The following ACSL1 variants were observed in gnomAD, a reference collection of about 807,000 sequenced individuals.
The protein encoded by ACSL1 is long-chain-fatty-acid--CoA ligase 1.
Under a neutral mutation model 98.4 loss-of-function variants are expected in ACSL1, and 41 were observed. The ratio of observed to expected loss-of-function variants is 0.42; its 90% confidence interval spans 0.32 to 0.54. ACSL1 has a LOEUF of 0.54. Among genes scored for constraint, ACSL1 ranks in the 20% least tolerant of loss-of-function variants. The pLI is 0.13. For synonymous variants in ACSL1, 316 were observed against 322.7 expected, an observed-to-expected ratio of 0.98 and a Z score of 0.22; for missense variants, 734 against 883.1, an observed-to-expected ratio of 0.83 and a Z score of 2.14.
intron 11 of ACSL1, among the ~76,000 whole-genome samples, chr4:184,770,020 T>C (rs1410272629): frequency 1.3e-5 from 2 of 152,216 alleles, no homozygotes; most frequent in Admixed American, 6.5e-5. Flanking sequence ...CGCTGGGCTT[T>C]GTAGAACTGA....
In ACSL1 at chr4:184,773,159, G is replaced by T. The variant is rs1329706991; in HGVS notation, c.842-5C>A. Reference sequence around the variant, plus strand: ...CCATTGCTCCTTTGGGGTTGCCTGTGGAGCACATATGAAGCAGAACAAAGT... The same window carrying T: ...CCATTGCTCCTTTGGGGTTGCCTGTTGAGCACATATGAAGCAGAACAAAGT... On this transcript the variant is annotated splice_polypyrimidine_tract_variant and splice_region_variant and intron_variant, in intron 9 of 20. Coordinates refer to ENST00000281455, the MANE Select transcript of ACSL1 (RefSeq NM_001995.5). This position sits in a 1 kb window ranked among gnomAD's most constrained non-coding sequence, Gnocchi z 4.3. 1 of 1,612,678 alleles carries T rather than the reference G, an allele frequency of 6.2e-7. No individual in the cohort carries two copies. Among genetic ancestry groups the T allele is most frequent in the South Asian group, 1.1e-5 (1 of 91,030 alleles).
At chr4:184,801,058 G>A (rs150284818) in intron 2 of ACSL1, among the ~76,000 whole-genome samples, 126 of 152,238 alleles carry the variant, frequency 8.3e-4, no homozygotes, top group African/African-American at 2.9e-3. Flanking sequence ...GCCTTGCTAT[G>A]TTGCCCATGC....
In ACSL1 at chr4:184,825,952, A is replaced by G. The variant is rs1205575825; in HGVS notation, c.-69T>C. The G allele has an allele frequency of 6.8e-6, 1 of 147,966 alleles. No homozygotes were observed. Among genetic ancestry groups the G allele is most frequent in the Non-Finnish European group, 1.5e-5 (1 of 66,338 alleles). 9.2% of individuals were successfully genotyped at this position (147,966 alleles called of 1,614,324 possible). A position where few individuals can be genotyped will look rare whatever the true frequency, so the allele number is the denominator to read the frequency against. On this transcript the variant is annotated 5_prime_UTR_variant, in exon 1 of 21. Transcript: ENST00000281455. This position sits in a 1 kb window ranked among gnomAD's most constrained non-coding sequence, Gnocchi z 4.7. Reference sequence around the variant, plus strand: ...ACCGGCCGCTCCGCCGCCGGCTGTCACTGCAGCCCACTCCCTGCCCCGCGC... The same window carrying G: ...ACCGGCCGCTCCGCCGCCGGCTGTCGCTGCAGCCCACTCCCTGCCCCGCGC...
At chr4:184,767,476 G>A (rs1417276192) in intron 12 of ACSL1, among the ~76,000 whole-genome samples, 3 of 152,142 alleles carry the variant, frequency 2.0e-5, no homozygotes, top group Non-Finnish European at 2.9e-5. Flanking sequence ...ATACACAGAT[G>A]AGCGGATGCT....
At position 184,776,680 on chromosome 4, in the gene ACSL1, C is replaced by T; in HGVS notation, c.578-18G>A. The T allele has an allele frequency of 1.2e-6, 2 of 1,603,800 alleles. No homozygotes were observed. Among genetic ancestry groups the T allele is most frequent in the Non-Finnish European group, 1.7e-6 (2 of 1,177,410 alleles). On this transcript the variant is annotated intron_variant, in intron 6 of 20. Transcript: ENST00000281455. ...GAGTTCAGCTGTAAATGAAGAGATA[C>T]AATGAAGAATAAGCTCTGGGATGTT...
At chr4:184,817,755 C>A (rs111737443) in intron 1 of ACSL1, among the ~76,000 whole-genome samples, 1 of 152,146 alleles carries the variant, frequency 6.6e-6, no homozygotes, top group African/African-American at 2.4e-5. Context: ...GAGAGCAGGA[C>A]GCTACTGGTG....
At chr4:184,798,165 C>G (rs928524507) in intron 2 of ACSL1, 2 of 152,176 alleles carry the variant, frequency 1.3e-5, no homozygotes, top group African/African-American at 4.8e-5. Context: ...ATGCTGGAAC[C>G]AAGGTCTGAT....
rs571795319 is a variant in ACSL1 at position 184,757,910 on chromosome 4, A to G, written c.1793T>C (p.Ile598Thr). Residue 598 changes from isoleucine to threonine, a missense_variant, in exon 19 of 21, where the codon ATT becomes ACT. By Grantham distance (89) the Ile-to-Thr change is moderately conservative. Coordinates refer to ENST00000281455, the MANE Select transcript of ACSL1 (RefSeq NM_001995.5). The surrounding 1 kb of genome is among the most constrained non-coding windows in gnomAD (Gnocchi z 4.5). Reference sequence around the variant, plus strand: ...CTCAACATCTGGTACCACAATTGCAATGAGAAATGCCTTTAACACAGACAA... The same window carrying G: ...CTCAACATCTGGTACCACAATTGCAGTGAGAAATGCCTTTAACACAGACAA... ...VHGESLQAFL[I>T]AIVVPDVETL... 2.6e-5 allele frequency: 42 copies of G among 1,614,036 alleles called. 1 individual carries two copies. The South Asian group carries it at 4.6e-4, about 18-fold the overall frequency.
At chr4:184,800,337 G>A (rs772891071) in intron 2 of ACSL1, among the ~76,000 whole-genome samples, 2 of 152,058 alleles carry the variant, frequency 1.3e-5, no homozygotes, top group African/African-American at 2.4e-5. Context: ...GTCCCTTTCC[G>A]CTCCAACATG....
rs1286622989 is a variant in ACSL1 at position 184,773,542 on chromosome 4, C to T, written c.841+121G>A. The T allele has an allele frequency of 1.1e-6, 1 of 914,286 alleles. No homozygotes were observed. Among genetic ancestry groups the T allele is most frequent in the Non-Finnish European group, 1.7e-6 (1 of 602,454 alleles). 56.6% of individuals were successfully genotyped at this position (914,286 alleles called of 1,614,324 possible). On this transcript the variant is annotated intron_variant, in intron 9 of 20. Transcript: ENST00000281455. The surrounding 1 kb of genome is among the most constrained non-coding windows in gnomAD (Gnocchi z 4.3). ...AGCAACAAGAAGACAGCACTTGAAC[C>T]GCTTCCTTCTCTTCTGCTTTTGGTC...
intron 17 of ACSL1, among the ~76,000 whole-genome samples, chr4:184,760,768 A>T (rs577856541): frequency 9.3e-4 from 142 of 152,340 alleles, no homozygotes; most frequent in Non-Finnish European, 1.5e-3. Context: ...ACTTGGCACC[A>T]CTGACTGGTC....
intron 1 of ACSL1, among the ~76,000 whole-genome samples, chr4:184,817,548 G>C (rs1256175031): frequency 1.3e-5 from 2 of 152,168 alleles, no homozygotes; most frequent in African/African-American, 4.8e-5. Context: ...TTGGTGGCTT[G>C]CCTGCCTTGT....
chr4:184,765,572 A>G (rs1430226458), intron 14 of ACSL1, among the ~76,000 whole-genome samples: 1 of 152,188 alleles, frequency 6.6e-6, no homozygotes, highest in African/African-American at 2.4e-5. Flanking sequence ...AGAGCTCCAT[A>G]GCACCACGTG....
intron 3 of ACSL1, chr4:184,788,390 G>A: frequency 1.6e-6 from 1 of 641,432 alleles, no homozygotes; most frequent in Non-Finnish European, 2.9e-6. Context: ...ATAAAATACA[G>A]GATGTGACAC....
chr4:184,813,906 A>G, intron 1 of ACSL1: 1 of 455,722 alleles, frequency 2.2e-6, no homozygotes, highest in Non-Finnish European at 4.4e-6. Flanking sequence ...GCACGCAGAG[A>G]AGGTACCTAG....
chr4:184,820,850 G>A (rs1420751548), intron 1 of ACSL1, among the ~76,000 whole-genome samples: 1 of 152,086 alleles, frequency 6.6e-6, no homozygotes, highest in Non-Finnish European at 1.5e-5. Flanking sequence ...CAAAATGCTG[G>A]GATTACAGGC....
rs78706490 is a variant in ACSL1 at position 184,771,931 on chromosome 4, T to C, written c.915+1150A>G. Among the ~76,000 whole-genome samples the C allele has an allele frequency of 6.4e-3, 977 of 152,324 alleles. 5 individuals are homozygous for C. The highest frequency in any genetic ancestry group is 0.017 in the Middle Eastern group (5 of 294). ...GCATCCCAAGTAGTACTTCTCAGGA[T>C]GAAATTGTTATATTAATATAATGAG... On this transcript the variant is annotated intron_variant, in intron 10 of 20. Coordinates refer to ENST00000281455, the MANE Select transcript of ACSL1 (RefSeq NM_001995.5).
chr4:184,809,596 T>C (rs7437957), intron 1 of ACSL1, among the ~76,000 whole-genome samples: 15,487 of 151,794 alleles, frequency 0.1, 963 homozygotes, highest in Non-Finnish European at 0.15. Context: ...ATCAAGACCA[T>C]CCTGGCTAAC....
intron 1 of ACSL1, among the ~76,000 whole-genome samples, chr4:184,804,632 T>A (rs1465933124): frequency 6.6e-6 from 1 of 151,430 alleles, no homozygotes; most frequent in East Asian, 1.9e-4. Flanking sequence ...AAATTCTGCC[T>A]CCCTGGCATA....
Sources: allele counts gnomAD v4.1 joint callset (sites outside exome capture counted in the v4.1 genomes callset), GRCh38; gene constraint gnomAD v4.1.1; non-coding constraint Gnocchi (gnomAD v3.1); transcripts MANE v1.5; gene names NCBI Gene and HGNC (gene_info 2026-07-23, HGNC 2026-07-21).